The following PAG1 variants were observed in gnomAD, a reference collection of about 807,000 sequenced individuals.
PAG1 encodes phosphoprotein membrane anchor with glycosphingolipid microdomains 1, also known as phosphoprotein associated with glycosphingolipid-enriched microdomains 1.
PAG1 carries 23 observed loss-of-function variants against 31.7 expected under a neutral mutation model. The ratio of observed to expected loss-of-function variants is 0.73; its 90% CI spans 0.52 to 1.03. The LOEUF is 1.03. Among genes scored for constraint, PAG1 ranks in the 50% least tolerant of loss-of-function variants. The probability of loss-of-function intolerance (pLI) is 0.00; values close to 1 mark genes in which losing one functional copy is unlikely to be tolerated. For missense variants in PAG1, 473 were observed against 540.7 expected (o/e 0.87, Z 1.24); for synonymous variants, 214 against 210.3 (o/e 1.02, Z -0.15).
intron 1 of PAG1, among the ~76,000 whole-genome samples, chr8:81,106,119 C>T (rs868121141): frequency 2.6e-5 from 4 of 152,164 alleles, no homozygotes; most frequent in Non-Finnish European, 5.9e-5. Flanking sequence ...CTTCCTGGCT[C>T]ACTTCAACCT....
intron 1 of PAG1, among the ~76,000 whole-genome samples, chr8:81,077,953 C>T (rs182498060): frequency 1.2e-4 from 19 of 152,310 alleles, no homozygotes; most frequent in Non-Finnish European, 2.5e-4. Flanking sequence ...AGAACATCAT[C>T]CCATCATTTG....
chr8:81,030,520 G>C (rs896569924), intron 2 of PAG1, among the ~76,000 whole-genome samples: 3 of 152,176 alleles, frequency 2.0e-5, no homozygotes, highest in African/African-American at 7.2e-5. Context: ...TTTTGGTAAG[G>C]TAAGCTGTGA....
chr8:81,002,005 A>G (rs537146526), intron 3 of PAG1, among the ~76,000 whole-genome samples: 66 of 152,288 alleles, frequency 4.3e-4, no homozygotes, highest in African/African-American at 1.6e-3. Flanking sequence ...TGGTACACCC[A>G]CTGCTTACTC....
At chr8:81,084,363 A>C (rs1302984055) in intron 1 of PAG1, among the ~76,000 whole-genome samples, 1 of 151,498 alleles carries the variant, frequency 6.6e-6, no homozygotes, top group Non-Finnish European at 1.5e-5. Flanking sequence ...TGCATCCAAT[A>C]GTAGCAAAAG....
intron 3 of PAG1, among the ~76,000 whole-genome samples, chr8:80,995,342 G>C (rs768737913): frequency 3.9e-5 from 6 of 152,210 alleles, no homozygotes; most frequent in Non-Finnish European, 7.3e-5. Flanking sequence ...TATTGTGCCT[G>C]TAAACACGAC....
chr8:81,068,235 T>C (rs1809038999), intron 2 of PAG1, among the ~76,000 whole-genome samples: 1 of 152,188 alleles, frequency 6.6e-6, no homozygotes, highest in Non-Finnish European at 1.5e-5. Context: ...AGAACAACTA[T>C]GGAAGTTTGA....
At chr8:81,028,142 T>C (rs1808317136) in intron 3 of PAG1, among the ~76,000 whole-genome samples, 1 of 152,170 alleles carries the variant, frequency 6.6e-6, no homozygotes, top group Non-Finnish European at 1.5e-5. Context: ...GTGCAGTCTC[T>C]GTGCTCAGGG....
At chr8:81,064,354 C>T (rs922352239) in intron 2 of PAG1, among the ~76,000 whole-genome samples, 1 of 152,262 alleles carries the variant, frequency 6.6e-6, no homozygotes, top group South Asian at 2.1e-4. Context: ...GGCTGGCCCA[C>T]CACTCACCTC....
intron 3 of PAG1, among the ~76,000 whole-genome samples, chr8:81,017,802 T>C (rs1454181084): frequency 1.3e-5 from 2 of 152,154 alleles, no homozygotes; most frequent in African/African-American, 2.4e-5. Flanking sequence ...CCTCCAGAGA[T>C]AGACTTAATT....
chr8:81,025,781 C>T (rs1563633876), intron 3 of PAG1, among the ~76,000 whole-genome samples: 1 of 152,324 alleles, frequency 6.6e-6, no homozygotes, highest in East Asian at 1.9e-4. Context: ...AGTCCGCACC[C>T]ACTTTGAATT....
intron 1 of PAG1, among the ~76,000 whole-genome samples, chr8:81,083,603 T>C (rs1436365451): frequency 2.0e-5 from 3 of 152,196 alleles, no homozygotes; most frequent in Non-Finnish European, 4.4e-5. Context: ...CAACAGTTAT[T>C]ATCTAAAAGT....
chr8:81,085,667 T>C (rs1809339521), intron 1 of PAG1, among the ~76,000 whole-genome samples: 1 of 152,186 alleles, frequency 6.6e-6, no homozygotes, highest in South Asian at 2.1e-4. Flanking sequence ...TCCCTTTATG[T>C]GAAAAGGACA....
At chr8:81,062,182 T>C (rs1473532760) in intron 2 of PAG1, among the ~76,000 whole-genome samples, 2 of 152,252 alleles carry the variant, frequency 1.3e-5, no homozygotes, top group East Asian at 1.9e-4. Context: ...TCTGAGGTGC[T>C]ATCTGTGGCC....
chr8:81,075,822 C>T (rs547085784), intron 1 of PAG1, among the ~76,000 whole-genome samples: 1 of 152,340 alleles, frequency 6.6e-6, no homozygotes, highest in Non-Finnish European at 1.5e-5. Context: ...TCTGAGCATA[C>T]ACATAGTCAC....
chr8:81,110,800 ACT>A (rs1292408497), intron 1 of PAG1, among the ~76,000 whole-genome samples: 2 of 152,136 alleles, frequency 1.3e-5, no homozygotes, highest in African/African-American at 2.4e-5. Flanking sequence ...TGAAGAGTGC[ACT>A]CTGTTTCAGA....
chr8:80,977,547 CA>C (rs1331485798), intron 8 of PAG1, among the ~76,000 whole-genome samples: 4 of 152,226 alleles, frequency 2.6e-5, no homozygotes, highest in African/African-American at 9.7e-5. Flanking sequence ...GTTGGTGGTA[CA>C]CATATATCTG....
chr8:81,001,715 T>C (rs1329652690), intron 3 of PAG1, among the ~76,000 whole-genome samples: 4 of 152,152 alleles, frequency 2.6e-5, no homozygotes, highest in Admixed American at 1.3e-4. Context: ...TTGCGGTAGA[T>C]GTTATTGAAT....
chr8:81,046,949 G>A (rs568337274), intron 2 of PAG1, among the ~76,000 whole-genome samples: 4 of 152,148 alleles, frequency 2.6e-5, no homozygotes, highest in African/African-American at 2.4e-5. Context: ...TTGGTATTTG[G>A]TTTTTTCTTC....
At chr8:81,070,262 A>G (rs1476862793) in intron 1 of PAG1, 92 bp from the exon 2 acceptor site, 1 of 152,234 alleles carries the variant, frequency 6.6e-6, no homozygotes, top group African/African-American at 2.4e-5. Context: ...CTTGTTATTT[A>G]CTTATTTAAC....
Sources: allele counts gnomAD v4.1 joint callset (sites outside exome capture counted in the v4.1 genomes callset), GRCh38; gene constraint gnomAD v4.1.1; transcripts MANE v1.5; gene names NCBI Gene and HGNC (gene_info 2026-07-23, HGNC 2026-07-21).